LAMB1: variants seen among roughly 807,000 people sequenced by gnomAD.
LAMB1 encodes laminin subunit beta-1.
LAMB1 carries 121 observed loss-of-function variants against 222.3 expected under a neutral mutation model. The observed-to-expected ratio is 0.54, with a 90% CI of 0.47 to 0.63. LAMB1 has a LOEUF of 0.63. Ranked by LOEUF, LAMB1 falls within the 30% of genes least tolerant of loss-of-function variation. LAMB1 has a pLI of 0.00. For synonymous variants in LAMB1, 794 were observed against 807.2 expected (o/e 0.98, Z 0.28); for missense variants, 2,172 against 2,240.8 (o/e 0.97, Z 0.62).
rs142562346 is a variant in LAMB1 at position 107,925,270 on chromosome 7, G to A, written c.5065-881C>T. ...TAAATGCAGGTGCCCCCAGGCCTAC[G>A]GACCAGTTAGGAACTGGGTGGGCAG... is the stretch of plus-strand genomic sequence containing the variant. On this transcript the variant is annotated intron_variant, in intron 32 of 33. Transcript: ENST00000222399. 3.8e-3 allele frequency among the ~76,000 whole-genome samples: 585 copies of A among 152,252 alleles called. 7 individuals are homozygous for A. The highest frequency in any genetic ancestry group is 0.013 in the African/African-American group (554 of 41,550).
At chr7:107,943,707 G>A (rs1382293622) in intron 24 of LAMB1, among the ~76,000 whole-genome samples, 1 of 152,148 alleles carries the variant, frequency 6.6e-6, no homozygotes, top group Non-Finnish European at 1.5e-5. Flanking sequence ...GTTCCCAGGA[G>A]ATACTGATGT....
Position 107,959,365 on chromosome 7 carries a change from G to C in LAMB1, c.2574C>G (p.His858Gln). The change falls in exon 20 of 34, where the codon CAC (histidine) becomes CAG (glutamine). Residue 858 changes from histidine (H) to glutamine (Q), a missense_variant. Transcript: ENST00000222399. ...AGGGCTGGCAACTTGGAAAGCCCCA[G>C]TGCCCAGGTAAGCACCGATCACACT... ...ARQCDRCLPG[H>Q]WGFPSCQPCQ... is the part of the protein sequence containing the mutation. 6.2e-7 allele frequency: 1 copy of C among 1,614,248 alleles called. No homozygotes were observed.
intron 24 of LAMB1, among the ~76,000 whole-genome samples, chr7:107,945,677 C>A (rs1356394207): frequency 6.6e-6 from 1 of 152,218 alleles, no homozygotes; most frequent in Non-Finnish European, 1.5e-5. Context: ...TTGGGCAAGT[C>A]CCTTAACCTC....
At chr7:107,963,797 C>T (rs2033564072) in intron 14 of LAMB1, among the ~76,000 whole-genome samples, 1 of 152,176 alleles carries the variant, frequency 6.6e-6, no homozygotes, top group Non-Finnish European at 1.5e-5. Context: ...AGCTGGAAGC[C>T]ATCTAAGAAA....
At chr7:107,937,302 T>C in intron 25 of LAMB1, 25 bp from the exon 26 acceptor site, 1 of 1,587,842 alleles carries the variant, frequency 6.3e-7, no homozygotes, top group Middle Eastern at 1.7e-4. Flanking sequence ...TTAAGCTTAC[T>C]TACATAAAAT....
At position 107,958,649 on chromosome 7, in the gene LAMB1, CTT is replaced by C. The variant is rs553176432; in HGVS notation, c.2690+598_2690+599del. Among the ~76,000 whole-genome samples, 24 of 152,256 alleles carry C rather than the reference CTT, an allele frequency of 1.6e-4. No individual in the cohort carries two copies. The South Asian group carries it at 3.9e-3, about 25-fold the overall frequency. ...ATAAACAGTGTAAGTCAGCAGGTAA[CTT>C]TTTCATACGGAGTATTTTTTATCTA... On this transcript the variant is annotated intron_variant, in intron 20 of 33. Coordinates refer to ENST00000222399, the MANE Select transcript of LAMB1 (RefSeq NM_002291.3).
In LAMB1 at chr7:107,932,194, C is replaced by G; in HGVS notation, c.4372G>C (p.Val1458Leu). Residue 1458 changes from valine (V) to leucine (L), a missense_variant, in exon 28 of 34, where the codon GTG becomes CTG. Coordinates refer to ENST00000222399, the MANE Select transcript of LAMB1 (RefSeq NM_002291.3). ...GTTACCATCTTGGAGAGCTGTTCCA[C>G]TTCAGCCAGGGCACTCAGGACATCT... ...DQDVLSALAE[V>L]EQLSKMVSEA... is the part of the protein sequence containing the mutation. The G allele has an allele frequency of 6.2e-7, 1 of 1,614,250 alleles. No homozygotes were observed. The highest frequency in any genetic ancestry group is 1.1e-5 in the South Asian group (1 of 91,088).
chr7:107,937,238 T>C lies in LAMB1; in HGVS notation c.3801A>G (p.Val1267=). The change falls in exon 26 of 34, where the codon GTA becomes GTG. Residue 1267 remains valine (V), a synonymous_variant. Coordinates refer to ENST00000222399, the MANE Select transcript of LAMB1 (RefSeq NM_002291.3). ...IKDVTEMMAQ[V]EVKLSDTTSQ... Reference sequence around the variant, plus strand: ...AAGTTGTGTCAGATAATTTCACTTCTACTTGAGCCATCATTTCTGTAACAT... The same window carrying C: ...AAGTTGTGTCAGATAATTTCACTTCCACTTGAGCCATCATTTCTGTAACAT... 3.1e-6 allele frequency: 5 copies of C among 1,614,024 alleles called. No individual in the cohort carries two copies. Among genetic ancestry groups the C allele is most frequent in the Non-Finnish European group, 3.4e-6 (4 of 1,179,928 alleles).
intron 8 of LAMB1, among the ~76,000 whole-genome samples, chr7:107,979,807 C>G (rs531781509): frequency 9.8e-5 from 15 of 152,362 alleles, no homozygotes; most frequent in African/African-American, 2.6e-4. Context: ...GGCGCATTGG[C>G]TCACGCCTGT....
intron 10 of LAMB1, 78 bp from the exon 11 acceptor site, chr7:107,975,491 C>A (rs1197025931): frequency 7.2e-7 from 1 of 1,390,036 alleles, no homozygotes; most frequent in Non-Finnish European, 9.7e-7. Flanking sequence ...ATATTCCCTT[C>A]CTCCCTCTAA....
intron 24 of LAMB1, chr7:107,942,220 C>T (rs1202396619): frequency 1.3e-5 from 2 of 152,062 alleles, no homozygotes; most frequent in African/African-American, 2.4e-5. Flanking sequence ...TCCATCTCTT[C>T]ACCTTGTGAT....
intron 10 of LAMB1, 104 bp downstream of exon 10, chr7:107,975,585 G>T: frequency 6.9e-6 from 9 of 1,300,824 alleles, no homozygotes; most frequent in Non-Finnish European, 9.6e-6. Context: ...CAATAACAAT[G>T]CTGGCTTTAC....
At chr7:107,951,954 CCA>C in intron 23 of LAMB1, 53 bp downstream of exon 23, 8 of 1,476,316 alleles carry the variant, frequency 5.4e-6, no homozygotes, top group Non-Finnish European at 7.4e-6. Context: ...GGCAAAGTCA[CCA>C]TGGGCTGACA....
chr7:107,989,107 G>A (rs888761761), intron 5 of LAMB1, among the ~76,000 whole-genome samples: 3 of 152,176 alleles, frequency 2.0e-5, no homozygotes, highest in African/African-American at 7.2e-5. Flanking sequence ...ATGAGTGTCA[G>A]AGGGAAAAGA....
In LAMB1 at chr7:107,975,707, C is replaced by T. The variant is rs1423173768; in HGVS notation, c.1171G>A (p.Asp391Asn). 6.2e-7 allele frequency: 1 copy of T among 1,611,858 alleles called. No individual in the cohort carries two copies. The highest frequency in any genetic ancestry group is 2.2e-5 in the East Asian group (1 of 44,836). The change falls in exon 10 of 34, where the codon GAT becomes AAT. Residue 391 changes from aspartate to asparagine, a missense_variant. Transcript: ENST00000222399. The part of the protein sequence containing the change: ...YYQHPERDIR[D>N]PNFCERCTCD... The stretch of plus-strand genomic sequence containing the variant: ...AACATACGTTCACAGAAATTAGGAT[C>T]TCGGATGTCCCTCTCTGGGTGCTGG...
At chr7:107,982,519 C>T (rs1038981848) in intron 7 of LAMB1, among the ~76,000 whole-genome samples, 4 of 152,158 alleles carry the variant, frequency 2.6e-5, no homozygotes, top group Non-Finnish European at 1.5e-5. Flanking sequence ...CGTGGTACTC[C>T]CCAACTGAAT....
chr7:107,932,476 T>A, intron 27 of LAMB1, 99 bp from the exon 28 acceptor site: 1 of 1,140,758 alleles, frequency 8.8e-7, no homozygotes. Flanking sequence ...AATGTGTAGG[T>A]GGTCCTCAGC....
rs550846824 is a variant in LAMB1 at position 108,002,966 on chromosome 7, T to C, written c.-81A>G. The C allele has an allele frequency of 1.2e-5, 19 of 1,605,954 alleles. 2 individuals are homozygous for C. In the South Asian group the frequency reaches 2.1e-4, roughly 18 times the overall value. The stretch of plus-strand genomic sequence containing the variant: ...AGCCGCCTGCCCTTTCTTCCCGTCT[T>C]CCTTTCTGGAGAGGTGGAAAGGAGG... On this transcript the variant is annotated 5_prime_UTR_variant, in exon 2 of 34. Transcript: ENST00000222399.
intron 5 of LAMB1, among the ~76,000 whole-genome samples, chr7:107,992,534 T>A (rs1455318063): frequency 6.6e-6 from 1 of 152,198 alleles, no homozygotes; most frequent in Non-Finnish European, 1.5e-5. Context: ...ATGCCAAGCA[T>A]CTGCATTTAT....
Sources: allele counts gnomAD v4.1 joint callset (sites outside exome capture counted in the v4.1 genomes callset), GRCh38; gene constraint gnomAD v4.1.1; transcripts MANE v1.5; gene names NCBI Gene and HGNC (gene_info 2026-07-23, HGNC 2026-07-21).